SH3RF1: variants seen among roughly 807,000 people sequenced by gnomAD.
SH3RF1 encodes the protein E3 ubiquitin-protein ligase SH3RF1.
Under a neutral mutation model 74.0 loss-of-function variants are expected in SH3RF1, and 32 were observed. That is an observed-to-expected ratio of 0.43 (90% confidence interval 0.33 to 0.58). SH3RF1 has a LOEUF of 0.58. Ranked by LOEUF, SH3RF1 falls within the 20% of genes least tolerant of loss-of-function variation. SH3RF1 has a pLI of 0.05. For synonymous variants in SH3RF1, 396 were observed against 439.6 expected, an observed-to-expected ratio of 0.90 and a Z score of 1.24; for missense variants, 954 against 1,130.9, an observed-to-expected ratio of 0.84 and a Z score of 2.24.
chr4:169,097,120 G>A (rs573550386), intron 11 of SH3RF1, among the ~76,000 whole-genome samples: 9 of 152,296 alleles, frequency 5.9e-5, no homozygotes, highest in Admixed American at 4.6e-4. Context: ...TCTCTGAACC[G>A]CCTGCCCACA....
At chr4:169,169,553 C>A (rs1257793190) in intron 2 of SH3RF1, among the ~76,000 whole-genome samples, 2 of 152,046 alleles carry the variant, frequency 1.3e-5, no homozygotes. Flanking sequence ...GCTGAGACTG[C>A]ACCACTGCAC....
At chr4:169,166,597 A>T in intron 2 of SH3RF1, 1 of 202,172 alleles carries the variant, frequency 4.9e-6, no homozygotes. Flanking sequence ...GTTAAACTTC[A>T]CAAAATGCCT....
intron 2 of SH3RF1, among the ~76,000 whole-genome samples, chr4:169,167,924 G>A (rs182792060): frequency 1.2e-4 from 19 of 152,206 alleles, no homozygotes; most frequent in Admixed American, 9.8e-4. Context: ...ATATCTTGAG[G>A]CTGGGAGTTC....
chr4:169,217,679 T>A (rs893342088), intron 2 of SH3RF1, among the ~76,000 whole-genome samples: 1 of 151,990 alleles, frequency 6.6e-6, no homozygotes, highest in Non-Finnish European at 1.5e-5. Context: ...GAATAAAACA[T>A]TGGCCTGGGA....
intron 6 of SH3RF1, among the ~76,000 whole-genome samples, chr4:169,129,208 C>T (rs1434063126): frequency 1.3e-5 from 2 of 152,150 alleles, no homozygotes; most frequent in African/African-American, 4.8e-5. Context: ...TCTTTTCTAT[C>T]GTAATTCAAC....
At chr4:169,250,794 G>A (rs1185642389) in intron 2 of SH3RF1, among the ~76,000 whole-genome samples, 1 of 151,612 alleles carries the variant, frequency 6.6e-6, no homozygotes, top group South Asian at 2.1e-4. Context: ...AAGATTGGCA[G>A]TAGAGTGAGG....
chr4:169,115,916 A>G (rs1292550879), intron 10 of SH3RF1, among the ~76,000 whole-genome samples: 1 of 152,248 alleles, frequency 6.6e-6, no homozygotes, highest in Non-Finnish European at 1.5e-5. Flanking sequence ...CAAAATGATG[A>G]AAGAATGAGT....
At chr4:169,178,015 T>C (rs1301283048) in intron 2 of SH3RF1, among the ~76,000 whole-genome samples, 1 of 151,680 alleles carries the variant, frequency 6.6e-6, no homozygotes, top group Admixed American at 6.6e-5. Context: ...CTGAGGTGAG[T>C]GGATCGTTTG....
intron 2 of SH3RF1, among the ~76,000 whole-genome samples, chr4:169,249,562 A>G (rs902543538): frequency 2.4e-4 from 37 of 152,262 alleles, no homozygotes; most frequent in African/African-American, 8.7e-4. Context: ...CACTGGAGAT[A>G]TAAGGGTATT....
intron 2 of SH3RF1, among the ~76,000 whole-genome samples, chr4:169,212,652 C>T (rs1042246695): frequency 2.0e-5 from 3 of 152,136 alleles, no homozygotes; most frequent in African/African-American, 7.2e-5. Flanking sequence ...CAATCAATAT[C>T]CCTAACCAAA....
intron 2 of SH3RF1, among the ~76,000 whole-genome samples, chr4:169,218,935 T>C (rs1730518388): frequency 6.6e-6 from 1 of 152,128 alleles, no homozygotes; most frequent in South Asian, 2.1e-4. Flanking sequence ...AATAAATAAT[T>C]TACAGTATTT....
chr4:169,179,176 G>C (rs1561045641), intron 2 of SH3RF1, among the ~76,000 whole-genome samples: 1 of 152,234 alleles, frequency 6.6e-6, no homozygotes, highest in Non-Finnish European at 1.5e-5. Context: ...TGGGTTGAGA[G>C]TCAGAGGGTA....
intron 2 of SH3RF1, among the ~76,000 whole-genome samples, chr4:169,191,706 T>A (rs562520569): frequency 8.0e-4 from 121 of 152,156 alleles, no homozygotes; most frequent in African/African-American, 2.7e-3. Context: ...CATAGACCAA[T>A]GGAACAGAAT....
intron 7 of SH3RF1, 84 bp downstream of exon 7, chr4:169,122,016 G>A: frequency 1.3e-6 from 2 of 1,550,770 alleles, no homozygotes; most frequent in East Asian, 2.3e-5. Flanking sequence ...ATCAGCTCAT[G>A]TCAGAAAGGT....
intron 4 of SH3RF1, among the ~76,000 whole-genome samples, chr4:169,148,283 TC>T (rs1328293123): frequency 6.6e-6 from 1 of 152,194 alleles, no homozygotes; most frequent in Non-Finnish European, 1.5e-5. Context: ...ACGATTCCTT[TC>T]TCGATTCCTG....
chr4:169,108,687 A>C lies in SH3RF1; in HGVS notation c.2140-1482T>G, dbSNP rs193174775. 1.7e-3 allele frequency among the ~76,000 whole-genome samples: 256 copies of C among 152,344 alleles called. 2 individuals carry two copies. Among genetic ancestry groups the C allele is most frequent in the African/African-American group, 5.9e-3 (246 of 41,580 alleles). On this transcript the variant is annotated intron_variant, in intron 10 of 11. Transcript: ENST00000284637. ...TTATAGCCTGTCCTCAGCTGATCTT[A>C]TGCGCTTTCGCTTCACTCATTCAAT...
In SH3RF1 at chr4:169,122,198, G is replaced by A. The variant is rs758369832; in HGVS notation, c.1248C>T (p.Gly416=). The stretch of plus-strand genomic sequence containing the variant: ...CAGCAGCAGCAGCAGCGGCGGTGGC[G>A]CCTGGTGGTGTGGAGGCAAGGACAG... ...AATVLASTPP[G]ATAAAAAAGM... The change falls in exon 7 of 12, where the codon GGC becomes GGT. Residue 416 remains glycine, a synonymous_variant. Transcript: ENST00000284637. 69 of 1,613,384 alleles carry A rather than the reference G, an allele frequency of 4.3e-5. No individual in the cohort carries two copies. Among genetic ancestry groups the A allele is most frequent in the Non-Finnish European group, 5.3e-5 (62 of 1,179,904 alleles).
intron 2 of SH3RF1, among the ~76,000 whole-genome samples, chr4:169,188,905 T>C (rs1444218209): frequency 6.6e-6 from 1 of 152,246 alleles, no homozygotes; most frequent in Non-Finnish European, 1.5e-5. Context: ...AGTTTATCAA[T>C]GTACCACTTG....
chr4:169,173,998 G>GTT (rs1434065440), intron 2 of SH3RF1, among the ~76,000 whole-genome samples: 3 of 84,792 alleles, frequency 3.5e-5, no homozygotes, highest in African/African-American at 6.6e-5. Context: ...AATTTCCTGA[G>GTT]TTATATATAT....
Sources: gnomAD v4.1 joint callset for allele counts (sites outside exome capture counted in the v4.1 genomes callset) on GRCh38, gnomAD v4.1.1 for gene constraint, MANE v1.5 for transcripts, NCBI Gene and HGNC (gene_info 2026-07-23, HGNC 2026-07-21) for gene names.